SCHIP1: variants seen among roughly 807,000 people sequenced by gnomAD.
The protein encoded by SCHIP1 is schwannomin-interacting protein 1.
Under a neutral mutation model 29.7 loss-of-function variants are expected in SCHIP1, and 8 were observed. The ratio of observed to expected loss-of-function variants is 0.27; its 90% CI spans 0.16 to 0.49. SCHIP1 has a LOEUF of 0.49. Among genes scored for constraint, SCHIP1 ranks in the 20% least tolerant of loss-of-function variants. SCHIP1 has a pLI of 0.99. For synonymous variants in SCHIP1, 76 were observed against 94.9 expected, an observed-to-expected ratio of 0.80 and a Z score of 1.16; for missense variants, 193 against 294.6, an observed-to-expected ratio of 0.66 and a Z score of 2.52.
the SCHIP1 span, among the ~76,000 whole-genome samples, chr3:159,688,921 T>A: frequency 6.6e-6 from 1 of 152,200 alleles, no homozygotes; most frequent in Admixed American, 6.5e-5. Context: ...TGTGTGGTGT[T>A]ATTTGTGAGG....
At chr3:159,513,397 G>T in the SCHIP1 span, among the ~76,000 whole-genome samples, 1 of 152,120 alleles carries the variant, frequency 6.6e-6, no homozygotes, top group South Asian at 2.1e-4. Context: ...GTATTCTTCT[G>T]TTTGAAGCAT....
chr3:159,725,723 G>A, the SCHIP1 span, among the ~76,000 whole-genome samples: 2 of 152,158 alleles, frequency 1.3e-5, no homozygotes, highest in Non-Finnish European at 2.9e-5. Context: ...GGCAATAATC[G>A]CAATGACAGC....
At chr3:159,374,287 G>A in the SCHIP1 span, among the ~76,000 whole-genome samples, 3 of 152,130 alleles carry the variant, frequency 2.0e-5, no homozygotes, top group Non-Finnish European at 2.9e-5. Context: ...TAGTGGAGCT[G>A]AGAAAAGGAG....
At chr3:159,284,998 A>G in the SCHIP1 span, among the ~76,000 whole-genome samples, 2 of 152,108 alleles carry the variant, frequency 1.3e-5, no homozygotes, top group East Asian at 1.9e-4. Flanking sequence ...ATTTTTTCCT[A>G]TAACTCAACT....
chr3:159,461,000 G>A, the SCHIP1 span, among the ~76,000 whole-genome samples: 1 of 152,106 alleles, frequency 6.6e-6, no homozygotes, highest in Non-Finnish European at 1.5e-5. Flanking sequence ...AACTTGACCT[G>A]TTTCAGGAAG....
At chr3:159,560,807 G>T in the SCHIP1 span, among the ~76,000 whole-genome samples, 1 of 152,184 alleles carries the variant, frequency 6.6e-6, no homozygotes, top group African/African-American at 2.4e-5. Context: ...AGCACCACTG[G>T]GCTTGTTGCT....
the SCHIP1 span, among the ~76,000 whole-genome samples, chr3:159,511,894 T>C: frequency 1.3e-4 from 20 of 152,170 alleles, no homozygotes; most frequent in Non-Finnish European, 2.5e-4. Flanking sequence ...TTAAATCTTT[T>C]ATTAGGAAAG....
the SCHIP1 span, among the ~76,000 whole-genome samples, chr3:159,409,597 A>G: frequency 6.6e-6 from 1 of 152,158 alleles, no homozygotes; most frequent in Non-Finnish European, 1.5e-5. Context: ...ATATCTTTAC[A>G]ATGAAAACTA....
intron 2 of SCHIP1, among the ~76,000 whole-genome samples, chr3:159,876,985 G>C (rs1032914738): frequency 6.6e-6 from 1 of 152,172 alleles, no homozygotes; most frequent in Non-Finnish European, 1.5e-5. Flanking sequence ...TTATTACCTG[G>C]TTTGTGGGCT....
intron 2 of SCHIP1, among the ~76,000 whole-genome samples, chr3:159,880,465 T>A (rs1716321782): frequency 6.6e-6 from 1 of 152,250 alleles, no homozygotes; most frequent in Non-Finnish European, 1.5e-5. Flanking sequence ...TATTTATACA[T>A]TGTGACTTAA....
the SCHIP1 span, among the ~76,000 whole-genome samples, chr3:159,394,062 T>C: frequency 6.6e-6 from 1 of 151,778 alleles, no homozygotes; most frequent in Non-Finnish European, 1.5e-5. Flanking sequence ...AGGTATTTTA[T>C]TCTCTTTGAA....
At chr3:159,868,026 T>TA (rs1714831077) in intron 2 of SCHIP1, among the ~76,000 whole-genome samples, 2 of 148,228 alleles carry the variant, frequency 1.3e-5, no homozygotes, top group Non-Finnish European at 3.0e-5. Context: ...ATCAATGATT[T>TA]TTATATATAT....
chr3:159,413,906 C>T, the SCHIP1 span, among the ~76,000 whole-genome samples: 1 of 152,166 alleles, frequency 6.6e-6, no homozygotes, highest in Non-Finnish European at 1.5e-5. Flanking sequence ...AGTTTAAACA[C>T]ATATATCAAC....
chr3:159,433,358 G>A, the SCHIP1 span, among the ~76,000 whole-genome samples: 1 of 152,166 alleles, frequency 6.6e-6, no homozygotes, highest in African/African-American at 2.4e-5. Context: ...ATGTAGTCAT[G>A]TTTTAGGTTA....
At chr3:159,599,510 T>C in the SCHIP1 span, among the ~76,000 whole-genome samples, 1 of 152,208 alleles carries the variant, frequency 6.6e-6, no homozygotes, top group African/African-American at 2.4e-5. Flanking sequence ...TGTTTGGTTT[T>C]CCATTCCTGA....
the SCHIP1 span, among the ~76,000 whole-genome samples, chr3:159,591,788 G>T: frequency 6.6e-6 from 1 of 151,964 alleles, no homozygotes; most frequent in East Asian, 1.9e-4. Context: ...GTCAAGGGGA[G>T]GGAGAGCATT....
the SCHIP1 span, among the ~76,000 whole-genome samples, chr3:159,287,056 G>A: frequency 8.6e-5 from 13 of 152,010 alleles, no homozygotes; most frequent in South Asian, 4.1e-4. Flanking sequence ...TTACTGTGCC[G>A]AAGCTCTTTA....
At chr3:159,301,374 G>A in the SCHIP1 span, among the ~76,000 whole-genome samples, 4 of 151,838 alleles carry the variant, frequency 2.6e-5, 1 homozygote. Context: ...TACTTAACAC[G>A]ACTTTTTTTT....
At chr3:159,496,324 G>A in the SCHIP1 span, among the ~76,000 whole-genome samples, 56 of 151,852 alleles carry the variant, frequency 3.7e-4, no homozygotes, top group Non-Finnish European at 5.4e-4. Flanking sequence ...GGCAACCTAC[G>A]AAATGGGAGA....
Sources: allele counts gnomAD v4.1 joint callset (sites outside exome capture counted in the v4.1 genomes callset), GRCh38; gene constraint gnomAD v4.1.1; transcripts MANE v1.5; gene names NCBI Gene and HGNC (gene_info 2026-07-23, HGNC 2026-07-21).